The following CHST11 variants were observed in gnomAD, a reference collection of about 807,000 sequenced individuals.
CHST11 encodes the protein C4S-1.
CHST11 carries 9 observed loss-of-function variants against 30.4 expected under a neutral mutation model. The ratio of observed to expected loss-of-function variants is 0.30; its 90% CI spans 0.18 to 0.52. The LOEUF is 0.52. Ranked by LOEUF, CHST11 falls within the 20% of genes least tolerant of loss-of-function variation. CHST11 has a pLI of 0.97. For synonymous variants in CHST11, 152 were observed against 187.8 expected, an observed-to-expected ratio of 0.81 and a Z score of 1.56; for missense variants, 348 against 460.6, an observed-to-expected ratio of 0.76 and a Z score of 2.24.
At chr12:104,738,137 G>T (rs1221486548) in intron 2 of CHST11, among the ~76,000 whole-genome samples, 2 of 152,262 alleles carry the variant, frequency 1.3e-5, no homozygotes, top group East Asian at 3.9e-4. Context: ...GGAAGGCCCT[G>T]GTCAGGGGGT....
chr12:104,500,678 A>G (rs918145308), intron 1 of CHST11, among the ~76,000 whole-genome samples: 2 of 152,206 alleles, frequency 1.3e-5, no homozygotes, highest in Admixed American at 1.3e-4. Context: ...CACAAAGTCT[A>G]TCTTAGAAGA....
At chr12:104,720,820 G>A (rs907072031) in intron 2 of CHST11, among the ~76,000 whole-genome samples, 21 of 152,126 alleles carry the variant, frequency 1.4e-4, no homozygotes, top group African/African-American at 4.6e-4. Flanking sequence ...GTCGTCTACC[G>A]TGGACCAGTC....
At chr12:104,732,758 T>C (rs1477165508) in intron 2 of CHST11, among the ~76,000 whole-genome samples, 1 of 152,232 alleles carries the variant, frequency 6.6e-6, no homozygotes, top group Non-Finnish European at 1.5e-5. Flanking sequence ...CATCATCTAT[T>C]GATACCCCCA....
At chr12:104,738,189 C>G (rs1410118953) in intron 2 of CHST11, among the ~76,000 whole-genome samples, 2 of 152,124 alleles carry the variant, frequency 1.3e-5, no homozygotes, top group African/African-American at 4.8e-5. Flanking sequence ...CCTTCTTCAG[C>G]AGACCGGCCT....
At chr12:104,666,114 G>A (rs975059591) in intron 2 of CHST11, among the ~76,000 whole-genome samples, 4 of 151,970 alleles carry the variant, frequency 2.6e-5, no homozygotes, top group South Asian at 2.1e-4. Flanking sequence ...CACCGCACCC[G>A]GCCTCTTTCT....
At chr12:104,655,582 G>A (rs1382351603) in intron 2 of CHST11, among the ~76,000 whole-genome samples, 2 of 152,204 alleles carry the variant, frequency 1.3e-5, no homozygotes, top group Non-Finnish European at 2.9e-5. Context: ...AGCAAAAGTG[G>A]GGCTGCCTTG....
At chr12:104,464,942 C>T (rs1405393819) in intron 1 of CHST11, among the ~76,000 whole-genome samples, 2 of 152,154 alleles carry the variant, frequency 1.3e-5, no homozygotes, top group Non-Finnish European at 2.9e-5. Flanking sequence ...ATTATTGATT[C>T]CAGAACATAT....
chr12:104,473,246 G>A (rs918923662), intron 1 of CHST11, among the ~76,000 whole-genome samples: 2 of 152,138 alleles, frequency 1.3e-5, no homozygotes, highest in Admixed American at 1.3e-4. Flanking sequence ...AAAGTGCAAA[G>A]TAAGAAAGAG....
intron 1 of CHST11, among the ~76,000 whole-genome samples, chr12:104,581,431 G>A (rs167510): frequency 0.49 from 75,247 of 152,028 alleles, 19,497 homozygotes; most frequent in African/African-American, 0.66. Flanking sequence ...GATAATTGAG[G>A]AAAATTTATC....
chr12:104,640,569 A>G (rs988508173), intron 2 of CHST11, among the ~76,000 whole-genome samples: 3 of 152,232 alleles, frequency 2.0e-5, no homozygotes, highest in African/African-American at 7.2e-5. Flanking sequence ...GGGGCAGTAA[A>G]AAGATCAGTG....
intron 1 of CHST11, among the ~76,000 whole-genome samples, chr12:104,554,017 T>C (rs1565984894): frequency 6.6e-6 from 1 of 152,214 alleles, no homozygotes; most frequent in Non-Finnish European, 1.5e-5. Flanking sequence ...GATTTGATTC[T>C]TGCCATGTTG....
chr12:104,644,450 A>G (rs1231869153), intron 2 of CHST11, among the ~76,000 whole-genome samples: 1 of 152,110 alleles, frequency 6.6e-6, no homozygotes, highest in African/African-American at 2.4e-5. Context: ...CGTGTGGCCA[A>G]TCCTCTTTCT....
intron 2 of CHST11, chr12:104,602,295 C>T: frequency 2.3e-6 from 1 of 441,352 alleles, no homozygotes; most frequent in South Asian, 3.9e-5. Flanking sequence ...ATTAAAGGTC[C>T]ACCGAAGCTG....
intron 1 of CHST11, among the ~76,000 whole-genome samples, chr12:104,517,022 C>G (rs756328622): frequency 2.5e-4 from 38 of 151,842 alleles, no homozygotes; most frequent in Middle Eastern, 3.4e-3. Flanking sequence ...TCTCTTCATG[C>G]ATTCTCTTTC....
rs555694102 is a variant in CHST11 at position 104,726,822 on chromosome 12, A to G, written c.205-30127A>G. ...TATATGTGATTAGATTACACTGCCT[A>G]AGGAACCCATAGCAAGATCTGATAT... On this transcript the variant is annotated intron_variant, in intron 2 of 2. Coordinates refer to ENST00000303694, the MANE Select transcript of CHST11 (RefSeq NM_018413.6). 2.0e-5 allele frequency among the ~76,000 whole-genome samples: 3 copies of G among 152,322 alleles called. No homozygotes were observed. The South Asian group carries it at 6.2e-4, about 32-fold the overall frequency.
At chr12:104,486,357 C>G (rs889412197) in intron 1 of CHST11, among the ~76,000 whole-genome samples, 3 of 150,948 alleles carry the variant, frequency 2.0e-5, no homozygotes, top group Non-Finnish European at 2.9e-5. Context: ...GAGGGCCGCT[C>G]TGTCGAATGG....
intron 2 of CHST11, among the ~76,000 whole-genome samples, chr12:104,698,441 G>T (rs1592845472): frequency 2.0e-5 from 3 of 152,258 alleles, no homozygotes; most frequent in African/African-American, 7.2e-5. Flanking sequence ...TCCAGTGCAG[G>T]ACTATCTTTT....
In CHST11 at chr12:104,761,019, G is replaced by A. The variant is rs2040520111; in HGVS notation, c.*3216G>A. The A allele has an allele frequency of 6.6e-6, 1 of 152,224 alleles. No homozygotes were observed. Among genetic ancestry groups the A allele is most frequent in the Non-Finnish European group, 1.5e-5 (1 of 68,052 alleles). 9.4% of individuals were successfully genotyped at this position (152,224 alleles called of 1,614,324 possible). On this transcript the variant is annotated 3_prime_UTR_variant, in exon 3 of 3. Coordinates refer to ENST00000303694, the MANE Select transcript of CHST11 (RefSeq NM_018413.6). ...AGGTGCTGCTGTGTTTTAAAGACCA[G>A]GTACAGCCAGGGCAGTATTTGCAAG...
chr12:104,484,508 C>G, intron 1 of CHST11, among the ~76,000 whole-genome samples: 1 of 152,198 alleles, frequency 6.6e-6, no homozygotes, highest in East Asian at 1.9e-4. Flanking sequence ...CAAGGCAGAC[C>G]TGGCAAACTT....
Sources: allele counts gnomAD v4.1 joint callset (sites outside exome capture counted in the v4.1 genomes callset), GRCh38; gene constraint gnomAD v4.1.1; transcripts MANE v1.5; gene names NCBI Gene and HGNC (gene_info 2026-07-23, HGNC 2026-07-21).